The following ACACB variants were observed in gnomAD, a reference collection of about 807,000 sequenced individuals.
The protein encoded by ACACB is acetyl-CoA carboxylase beta.
A neutral mutation model predicts 278.8 loss-of-function variants in ACACB; 209 were observed. That is an observed-to-expected ratio of 0.75 (90% CI 0.67 to 0.84). The LOEUF (loss-of-function observed/expected upper bound fraction) is 0.84, where lower values mean the gene tolerates loss of function less well. ACACB is among the 40% of genes least tolerant of loss of function. The pLI, the probability that ACACB is intolerant of heterozygous loss-of-function variation, is 0.00. For synonymous variants in ACACB, 1,174 were observed against 1,285.6 expected (o/e 0.91, Z 1.86); for missense variants, 2,850 against 3,269.0 (o/e 0.87, Z 3.13).
intron 1 of ACACB, among the ~76,000 whole-genome samples, chr12:109,123,038 G>A (rs940713449): frequency 2.0e-5 from 3 of 151,888 alleles, no homozygotes; most frequent in Admixed American, 6.6e-5. Context: ...AAAATTAGCC[G>A]GGCGTGGTGG....
At chr12:109,193,586 G>A (rs2044974942) in intron 15 of ACACB, 62 bp from the exon 16 acceptor site, 5 of 1,336,486 alleles carry the variant, frequency 3.7e-6, no homozygotes, top group Non-Finnish European at 5.4e-6. Flanking sequence ...TTAAATGCAA[G>A]GGATGGCTGT....
chr12:109,129,248 G>A (rs2042760588), intron 1 of ACACB, among the ~76,000 whole-genome samples: 1 of 152,178 alleles, frequency 6.6e-6, no homozygotes, highest in Admixed American at 6.5e-5. Flanking sequence ...GCAGGAGAGT[G>A]TGAGAATTAG....
At chr12:109,147,042 T>A (rs1401108724) in intron 2 of ACACB, among the ~76,000 whole-genome samples, 1 of 152,202 alleles carries the variant, frequency 6.6e-6, no homozygotes, top group African/African-American at 2.4e-5. Flanking sequence ...CTGCAAATTC[T>A]GTAGCCGGTC....
chr12:109,208,454 C>T (rs530295642), intron 20 of ACACB, among the ~76,000 whole-genome samples: 7 of 152,204 alleles, frequency 4.6e-5, no homozygotes, highest in African/African-American at 1.7e-4. Context: ...GTGATCCTCC[C>T]GCCTTGGCCT....
intron 21 of ACACB, among the ~76,000 whole-genome samples, chr12:109,210,101 G>GTATATA (rs1555222714): frequency 9.4e-6 from 1 of 106,372 alleles, no homozygotes; most frequent in Non-Finnish European, 1.9e-5. Flanking sequence ...ACACATGTGT[G>GTATATA]TGTATATGTA....
At chr12:109,171,987 C>T in intron 5 of ACACB, 73 bp downstream of exon 5, 2 of 1,296,698 alleles carry the variant, frequency 1.5e-6, no homozygotes, top group Non-Finnish European at 2.2e-6. Flanking sequence ...TTCAATTCCA[C>T]AGTTCACAAG....
At chr12:109,173,884 A>G (rs981656574) in intron 6 of ACACB, among the ~76,000 whole-genome samples, 1 of 152,240 alleles carries the variant, frequency 6.6e-6, no homozygotes, top group African/African-American at 2.4e-5. Context: ...ATGCCACTGT[A>G]GCCTAGGTTG....
Position 109,241,223 on chromosome 12 carries a change from C to T in ACACB, c.4964C>T (p.Ser1655Leu), listed in dbSNP as rs774411305. The T allele has an allele frequency of 6.8e-6, 11 of 1,614,082 alleles. No homozygotes were observed. The highest frequency in any genetic ancestry group is 6.7e-5 in the East Asian group (3 of 44,898). ...VPIRLFITNE[S>L]GYYLDISLYK... Reference sequence around the variant, plus strand: ...ATCCGCCTGTTCATCACCAATGAGTCGGGCTACTACCTGGACATCAGCCTC... The same window carrying T: ...ATCCGCCTGTTCATCACCAATGAGTTGGGCTACTACCTGGACATCAGCCTC... The change falls in exon 36 of 53, where the codon TCG becomes TTG. Residue 1655 changes from serine (S) to leucine (L), a missense_variant. Transcript: ENST00000338432.
intron 28 of ACACB, among the ~76,000 whole-genome samples, chr12:109,231,261 G>T (rs554885032): frequency 1.3e-5 from 2 of 152,324 alleles, no homozygotes; most frequent in South Asian, 2.1e-4. Flanking sequence ...CTGTTGCCCT[G>T]CAGGAAACTG....
intron 2 of ACACB, among the ~76,000 whole-genome samples, chr12:109,157,847 T>A (rs2043592547): frequency 6.6e-6 from 1 of 152,092 alleles, no homozygotes; most frequent in Non-Finnish European, 1.5e-5. Context: ...TGGATCAGAG[T>A]GCAGAAGGGC....
intron 32 of ACACB, 36 bp from the exon 33 acceptor site, chr12:109,235,570 G>C (rs767517827): frequency 6.3e-7 from 1 of 1,593,850 alleles, no homozygotes; most frequent in Non-Finnish European, 8.6e-7. Flanking sequence ...CGTCTTGCTT[G>C]ATTTAATTGT....
chr12:109,260,104 T>C, intron 47 of ACACB: 1 of 1,368,586 alleles, frequency 7.3e-7, no homozygotes, highest in South Asian at 1.1e-5. Context: ...TGGTGGAAGA[T>C]AAGGGCCATG....
chr12:109,227,919 G>T (rs113065460), intron 28 of ACACB, among the ~76,000 whole-genome samples: 5,419 of 151,816 alleles, frequency 0.036, 125 homozygotes, highest in Middle Eastern at 0.051. Flanking sequence ...TGTAATCCCA[G>T]CTACTGGGGA....
chr12:109,265,317 G>C lies in ACACB; in HGVS notation c.7113+37G>C, dbSNP rs369210055. On this transcript the variant is annotated intron_variant, in intron 51 of 52. Coordinates refer to ENST00000338432, the MANE Select transcript of ACACB (RefSeq NM_001093.4). ...GTGAGAACGAGGCCGGTGAGCACAGGGGGTGCTGGGGGCTGAGACAGCTGG... is the reference window on the plus strand; with the variant it reads ...GTGAGAACGAGGCCGGTGAGCACAGCGGGTGCTGGGGGCTGAGACAGCTGG... The C allele has an allele frequency of 3.7e-6, 6 of 1,611,082 alleles. No homozygotes were observed. In the African/African-American group the frequency reaches 4.0e-5, roughly 11 times the overall value.
intron 24 of ACACB, 101 bp from the exon 25 acceptor site, chr12:109,222,406 C>A: frequency 1.9e-6 from 2 of 1,045,126 alleles, no homozygotes; most frequent in Non-Finnish European, 2.9e-6. Context: ...AGTGGAGCAG[C>A]CGCCTGGCTT....
intron 37 of ACACB, 116 bp downstream of exon 37, chr12:109,242,708 C>T: frequency 7.7e-7 from 1 of 1,304,214 alleles, no homozygotes. Context: ...CAAGGTCTTG[C>T]CAGGTGCGGT....
chr12:109,258,201 A>G, intron 45 of ACACB, 67 bp from the exon 46 acceptor site: 2 of 1,248,768 alleles, frequency 1.6e-6, no homozygotes, highest in Non-Finnish European at 2.3e-6. Flanking sequence ...TCACCCCCAC[A>G]CCCAGAGGTC....
intron 42 of ACACB, 59 bp downstream of exon 42, chr12:109,252,215 T>C: frequency 8.5e-7 from 1 of 1,182,746 alleles, no homozygotes; most frequent in Non-Finnish European, 1.2e-6. Context: ...CATTTTAACA[T>C]TCCCATTGGT....
intron 1 of ACACB, among the ~76,000 whole-genome samples, chr12:109,138,449 C>T (rs1019709876): frequency 6.6e-6 from 1 of 152,030 alleles, no homozygotes; most frequent in Admixed American, 6.6e-5. Flanking sequence ...TGATGGCGCC[C>T]TTCCTCCCTC....
Sources: gnomAD v4.1 joint callset for allele counts (sites outside exome capture counted in the v4.1 genomes callset) on GRCh38, gnomAD v4.1.1 for gene constraint, MANE v1.5 for transcripts, NCBI Gene and HGNC (gene_info 2026-07-23, HGNC 2026-07-21) for gene names.